LCOR: variants seen among roughly 807,000 people sequenced by gnomAD.
The protein encoded by LCOR is ligand-dependent corepressor.
LCOR carries 14 observed loss-of-function variants against 64.4 expected under a neutral mutation model. That is an observed-to-expected ratio of 0.22 (90% confidence interval 0.14 to 0.34). The LOEUF (loss-of-function observed/expected upper bound fraction) is 0.34, where lower values mean the gene tolerates loss of function less well. LCOR is among the 10% of genes least tolerant of loss of function. LCOR has a pLI of 1.00. For missense variants in LCOR, 1,686 were observed against 1,765.3 expected (o/e 0.96, Z 0.80); for synonymous variants, 643 against 642.5 (o/e 1.00, Z -0.01).
chr10:96,836,216 T>C (rs561821180), intron 2 of LCOR, among the ~76,000 whole-genome samples: 27 of 152,310 alleles, frequency 1.8e-4, no homozygotes, highest in Admixed American at 1.6e-3. Flanking sequence ...TTTTTAGTCT[T>C]ATGGTGCTAC....
chr10:96,835,149 T>C (rs959463222), intron 2 of LCOR, among the ~76,000 whole-genome samples: 4 of 152,228 alleles, frequency 2.6e-5, no homozygotes, highest in African/African-American at 9.6e-5. Flanking sequence ...TCCGCCCGCC[T>C]CGGCTTCCCA....
intron 7 of LCOR, among the ~76,000 whole-genome samples, chr10:96,954,280 G>A (rs1847728656): frequency 6.6e-6 from 1 of 152,046 alleles, no homozygotes; most frequent in African/African-American, 2.4e-5. Context: ...TAATGCAGTG[G>A]GTCTTTTGGT....
intron 4 of LCOR, among the ~76,000 whole-genome samples, chr10:96,940,127 AAGAT>A (rs1333137698): frequency 3.9e-5 from 6 of 152,176 alleles, no homozygotes; most frequent in African/African-American, 1.2e-4. Flanking sequence ...TATAATAAAA[AAGAT>A]AACAAGTGTT....
At chr10:96,963,607 A>C (rs1847914841) in intron 7 of LCOR, 1 of 152,254 alleles carries the variant, frequency 6.6e-6, no homozygotes, top group South Asian at 2.1e-4. Flanking sequence ...GCAGAGGTCT[A>C]GGTCTGCATA....
intron 7 of LCOR, among the ~76,000 whole-genome samples, chr10:96,980,201 A>G (rs968244063): frequency 1.3e-5 from 2 of 152,110 alleles, no homozygotes; most frequent in African/African-American, 4.8e-5. Context: ...GTACTTCTAA[A>G]CCCAAGATTT....
chr10:96,892,280 G>T (rs1846458629), intron 2 of LCOR, among the ~76,000 whole-genome samples: 1 of 151,904 alleles, frequency 6.6e-6, no homozygotes, highest in South Asian at 2.1e-4. Context: ...TGTTGTTAGG[G>T]GCATATATGT....
rs574254261 is a variant in LCOR at position 96,984,601 on chromosome 10, A to C, written c.4141A>C (p.Arg1381=). Reference sequence around the variant, plus strand: ...CAAGAGTACTGAAGGAATGAAGGGAAGGAAGGGGAAGCAGGTGTCTGAAAT... The same window carrying C: ...CAAGAGTACTGAAGGAATGAAGGGACGGAAGGGGAAGCAGGTGTCTGAAAT... ...KPKSTEGMKG[R]KGKQVSEILP... is the part of the protein sequence containing the mutation. Residue 1381 remains arginine (R), a synonymous_variant, in exon 8 of 8, where the codon AGG becomes CGG. Transcript: ENST00000421806. 1 of 1,614,220 alleles carries C rather than the reference A, an allele frequency of 6.2e-7. No homozygotes were observed. Among genetic ancestry groups the C allele is most frequent in the African/African-American group, 1.3e-5 (1 of 75,068 alleles).
intron 2 of LCOR, among the ~76,000 whole-genome samples, chr10:96,864,920 T>C (rs914802395): frequency 2.0e-5 from 3 of 152,214 alleles, no homozygotes; most frequent in African/African-American, 7.2e-5. Context: ...TCTCAGACCA[T>C]ATCCTTGTTG....
chr10:96,890,974 G>A (rs1156528463), intron 2 of LCOR, among the ~76,000 whole-genome samples: 2 of 152,008 alleles, frequency 1.3e-5, no homozygotes, highest in Non-Finnish European at 2.9e-5. Flanking sequence ...ATCTCTATTC[G>A]TGAGGGAGAT....
At chr10:96,912,123 G>A (rs1319200968) in intron 4 of LCOR, among the ~76,000 whole-genome samples, 1 of 151,800 alleles carries the variant, frequency 6.6e-6, no homozygotes, top group Non-Finnish European at 1.5e-5. Flanking sequence ...TAGTAGAGGC[G>A]GGGTTTCACC....
chr10:96,914,101 A>G (rs1846895270), intron 4 of LCOR, among the ~76,000 whole-genome samples: 1 of 152,158 alleles, frequency 6.6e-6, no homozygotes, highest in South Asian at 2.1e-4. Flanking sequence ...GATCTTTTTC[A>G]TTGTATCAGC....
intron 4 of LCOR, among the ~76,000 whole-genome samples, chr10:96,919,558 G>A (rs1847012843): frequency 2.0e-5 from 3 of 151,966 alleles, no homozygotes; most frequent in Non-Finnish European, 4.4e-5. Flanking sequence ...AGGTGTACAA[G>A]ATGAGTAGTT....
intron 4 of LCOR, among the ~76,000 whole-genome samples, chr10:96,925,732 T>C (rs1847157226): frequency 6.6e-6 from 1 of 152,220 alleles, no homozygotes; most frequent in Admixed American, 6.5e-5. Flanking sequence ...TGTGGGGAGA[T>C]ACTTTGAGGC....
intron 2 of LCOR, among the ~76,000 whole-genome samples, chr10:96,835,225 G>A (rs1845422662): frequency 6.6e-6 from 1 of 152,116 alleles, no homozygotes; most frequent in South Asian, 2.1e-4. Context: ...TTAAAATTAT[G>A]ACTGATAAAT....
intron 4 of LCOR, among the ~76,000 whole-genome samples, chr10:96,922,733 C>G (rs1013460539): frequency 6.6e-6 from 1 of 152,168 alleles, no homozygotes; most frequent in Admixed American, 6.5e-5. Flanking sequence ...ATGGATAAAA[C>G]TATCAACAGC....
At chr10:96,849,597 G>C (rs754337114) in intron 2 of LCOR, among the ~76,000 whole-genome samples, 1 of 152,140 alleles carries the variant, frequency 6.6e-6, no homozygotes, top group African/African-American at 2.4e-5. Context: ...ACCATAAGTG[G>C]ATAATTACAC....
rs116331662 is a variant in LCOR at position 96,917,790 on chromosome 10, T to C, written c.-184+10043T>C. On this transcript the variant is annotated intron_variant, in intron 4 of 7. Transcript: ENST00000421806. ...GGAATAAAGAGTTGTCGAAGCTTAG[T>C]GATTACGTAAATATATAAATAAGGG... 2.8e-3 allele frequency among the ~76,000 whole-genome samples: 433 copies of C among 152,260 alleles called. 6 individuals are homozygous for C. Among genetic ancestry groups the C allele is most frequent in the African/African-American group, 9.4e-3 (389 of 41,548 alleles).
At position 96,981,489 on chromosome 10, in the gene LCOR, G is replaced by T; in HGVS notation, c.1029G>T (p.Leu343Phe). The change falls in exon 8 of 8, where the codon TTG becomes TTT. Residue 343 changes from leucine (L) to phenylalanine (F), a missense_variant. Physicochemically the swap from Leu to Phe is conservative, Grantham distance 22 (BLOSUM62 0). Coordinates refer to ENST00000421806, the MANE Select transcript of LCOR (RefSeq NM_001346516.2). ...CCTGTATTATTCCTCAAAGAAATTT[G>T]TTCAAAGCTTTATCAGAAGAGGCTT... ...GNTCIIPQRN[L>F]FKALSEEAWN... The T allele has an allele frequency of 6.2e-7, 1 of 1,614,178 alleles. No homozygotes were observed. The highest frequency in any genetic ancestry group is 8.5e-7 in the Non-Finnish European group (1 of 1,180,022).
At position 96,982,502 on chromosome 10, in the gene LCOR, T is replaced by C; in HGVS notation, c.2042T>C (p.Val681Ala). 1.2e-6 allele frequency: 2 copies of C among 1,613,732 alleles called. No individual in the cohort carries two copies. Among genetic ancestry groups the C allele is most frequent in the Non-Finnish European group, 1.7e-6 (2 of 1,179,948 alleles). Residue 681 changes from valine to alanine, a missense_variant, in exon 8 of 8, where the codon GTC becomes GCC. Transcript: ENST00000421806. ...LPSTESFSGG[V>A]SEDVISRPHS... ...TCCACTGAAAGCTTTTCCGGGGGAG[T>C]CAGTGAAGATGTCATTTCTAGGCCT...
Sources: allele counts gnomAD v4.1 joint callset (sites outside exome capture counted in the v4.1 genomes callset), GRCh38; gene constraint gnomAD v4.1.1; transcripts MANE v1.5; gene names NCBI Gene and HGNC (gene_info 2026-07-23, HGNC 2026-07-21).